SPAG16: variants seen among roughly 807,000 people sequenced by gnomAD.
SPAG16 encodes sperm associated antigen 16.
A neutral mutation model predicts 80.4 loss-of-function variants in SPAG16; 86 were observed. That is an observed-to-expected ratio of 1.07 (90% CI 0.90 to 1.28). The LOEUF (loss-of-function observed/expected upper bound fraction) is 1.28, where lower values mean the gene tolerates loss of function less well. Ranked by LOEUF, SPAG16 falls within the 50% of genes most tolerant of loss-of-function variation. The pLI, the probability that SPAG16 is intolerant of heterozygous loss-of-function variation, is 0.00. For missense variants in SPAG16, 870 were observed against 765.3 expected (o/e 1.14, Z -1.61); for synonymous variants, 294 against 265.9 (o/e 1.11, Z -1.03).
chr2:214,408,935 TACTA>T (rs1040184262), intron 15 of SPAG16, among the ~76,000 whole-genome samples: 16 of 152,080 alleles, frequency 1.1e-4, no homozygotes, highest in East Asian at 5.8e-4. Flanking sequence ...TTTTAAATAG[TACTA>T]ACTATTTAAA....
At chr2:213,776,834 C>T (rs529330538) in intron 10 of SPAG16, among the ~76,000 whole-genome samples, 4 of 125,638 alleles carry the variant, frequency 3.2e-5, no homozygotes, top group East Asian at 3.0e-4. Context: ...CCACCCCCCC[C>T]CCACCCCAGG....
At chr2:213,965,340 C>T (rs909553990) in intron 12 of SPAG16, among the ~76,000 whole-genome samples, 8 of 152,156 alleles carry the variant, frequency 5.3e-5, no homozygotes, top group East Asian at 3.9e-4. Flanking sequence ...CATCGTAAGT[C>T]GAGAAGCATC....
intron 15 of SPAG16, among the ~76,000 whole-genome samples, chr2:214,201,800 A>G (rs572850963): frequency 1.3e-5 from 2 of 152,176 alleles, no homozygotes; most frequent in Admixed American, 1.3e-4. Context: ...AATGTCAAAA[A>G]TCACATTTCT....
At chr2:214,173,125 G>T (rs1315140686) in intron 15 of SPAG16, among the ~76,000 whole-genome samples, 1 of 152,002 alleles carries the variant, frequency 6.6e-6, no homozygotes, top group African/African-American at 2.4e-5. Flanking sequence ...GTCAATTTTG[G>T]CTTTTGTTGC....
intron 10 of SPAG16, among the ~76,000 whole-genome samples, chr2:213,556,202 C>A (rs541512817): frequency 7.0e-6 from 1 of 142,930 alleles, no homozygotes; most frequent in East Asian, 2.2e-4. Flanking sequence ...GCAACAATAA[C>A]AAAATGGCAG....
In SPAG16 at chr2:213,398,448, T is replaced by G. The variant is rs527969541; in HGVS notation, c.942+23329T>G. 6.6e-5 allele frequency among the ~76,000 whole-genome samples: 10 copies of G among 152,274 alleles called. No individual in the cohort carries two copies. In the East Asian group the frequency reaches 1.9e-3, roughly 29 times the overall value. On this transcript the variant is annotated intron_variant, in intron 9 of 15. Coordinates refer to ENST00000331683, the MANE Select transcript of SPAG16 (RefSeq NM_024532.5). The stretch of plus-strand genomic sequence containing the variant: ...TATCTCCTGCTACCCTCCCATCTTT[T>G]GCTCAATTGCAGGCACACTAGCCTC...
chr2:213,998,573 G>A (rs1243621285), intron 12 of SPAG16, among the ~76,000 whole-genome samples: 6 of 152,152 alleles, frequency 3.9e-5, no homozygotes, highest in African/African-American at 1.2e-4. Context: ...GACTAGTAGA[G>A]TAAACTGGTA....
rs553900627 is a variant in SPAG16 at position 213,903,266 on chromosome 2, C to T, written c.1215-26694C>T. ...ACCCCACATTTCCCTTCTGCACTGCCCTAGTAGAGGTTTTCCATGGGCATC... is the reference window on the plus strand; with the variant it reads ...ACCCCACATTTCCCTTCTGCACTGCTCTAGTAGAGGTTTTCCATGGGCATC... On this transcript the variant is annotated intron_variant, in intron 11 of 15. Coordinates refer to ENST00000331683, the MANE Select transcript of SPAG16 (RefSeq NM_024532.5). 2.0e-5 allele frequency among the ~76,000 whole-genome samples: 3 copies of T among 152,294 alleles called. No homozygotes were observed. In the South Asian group the frequency reaches 6.2e-4, roughly 32 times the overall value.
At chr2:213,605,909 A>C (rs79446022) in intron 10 of SPAG16, among the ~76,000 whole-genome samples, 1 of 152,328 alleles carries the variant, frequency 6.6e-6, no homozygotes, top group East Asian at 1.9e-4. Flanking sequence ...AACAACTTAC[A>C]TCAGGATATA....
chr2:213,337,310 C>T (rs139780930), intron 5 of SPAG16, among the ~76,000 whole-genome samples: 8,186 of 152,258 alleles, frequency 0.054, 715 homozygotes, highest in African/African-American at 0.18. Context: ...CAGAGTGCCT[C>T]TTCTCCTCCA....
chr2:213,764,618 G>A (rs1395529950), intron 10 of SPAG16, among the ~76,000 whole-genome samples: 1 of 151,888 alleles, frequency 6.6e-6, no homozygotes, highest in African/African-American at 2.4e-5. Flanking sequence ...TTTCTGGCTG[G>A]CTTTTCTCCG....
chr2:213,726,582 G>A (rs1175947770), intron 10 of SPAG16, among the ~76,000 whole-genome samples: 1 of 152,158 alleles, frequency 6.6e-6, no homozygotes, highest in African/African-American at 2.4e-5. Context: ...TCGGGAGCTC[G>A]CCGGTTTCTA....
At chr2:213,938,347 A>G (rs891252453) in intron 12 of SPAG16, among the ~76,000 whole-genome samples, 2 of 151,950 alleles carry the variant, frequency 1.3e-5, no homozygotes, top group African/African-American at 4.8e-5. Flanking sequence ...TAAAAAATGA[A>G]AATCACGTTT....
At chr2:214,175,664 C>T (rs1170820682) in intron 15 of SPAG16, among the ~76,000 whole-genome samples, 1 of 151,364 alleles carries the variant, frequency 6.6e-6, no homozygotes, top group Non-Finnish European at 1.5e-5. Flanking sequence ...GTTGATCAAA[C>T]AATATATATG....
intron 10 of SPAG16, among the ~76,000 whole-genome samples, chr2:213,860,382 TATAA>T (rs1426884882): frequency 8.0e-5 from 10 of 124,952 alleles, no homozygotes; most frequent in East Asian, 5.2e-4. Context: ...TGTGTATATC[TATAA>T]ATAGACAGAT....
chr2:213,924,551 GCACATA>G (rs2106221891), intron 11 of SPAG16, among the ~76,000 whole-genome samples: 1 of 152,308 alleles, frequency 6.6e-6, no homozygotes, highest in East Asian at 1.9e-4. Context: ...TGTGAGAGCA[GCACATA>G]CAAGCTGCTT....
At chr2:214,258,380 T>C (rs1351528704) in intron 15 of SPAG16, among the ~76,000 whole-genome samples, 2 of 151,902 alleles carry the variant, frequency 1.3e-5, no homozygotes, top group Non-Finnish European at 1.5e-5. Flanking sequence ...AATAGTGGTC[T>C]CCAACTCCAT....
At chr2:213,487,990 A>G (rs574351210) in intron 9 of SPAG16, among the ~76,000 whole-genome samples, 2 of 152,220 alleles carry the variant, frequency 1.3e-5, no homozygotes, top group South Asian at 2.1e-4. Context: ...ACTTAATTAT[A>G]TATGAATTGG....
intron 11 of SPAG16, among the ~76,000 whole-genome samples, chr2:213,870,283 T>C (rs369702034): frequency 1.3e-5 from 2 of 152,186 alleles, no homozygotes; most frequent in African/African-American, 4.8e-5. Context: ...TCTGTTGAAA[T>C]GGGATTATAA....
Sources: gnomAD v4.1 joint callset for allele counts (sites outside exome capture counted in the v4.1 genomes callset) on GRCh38, gnomAD v4.1.1 for gene constraint, MANE v1.5 for transcripts, NCBI Gene and HGNC (gene_info 2026-07-23, HGNC 2026-07-21) for gene names.